Variants in TBC1D5 observed in about 807,000 individuals in gnomAD.
TBC1D5 encodes TBC1 domain family, member 5.
TBC1D5 carries 75 observed loss-of-function variants against 100.3 expected under a neutral mutation model. The observed-to-expected ratio is 0.75, with a 90% CI of 0.62 to 0.91. The LOEUF (loss-of-function observed/expected upper bound fraction) is 0.91, where lower values mean the gene tolerates loss of function less well. Ranked by LOEUF, TBC1D5 falls within the 40% of genes least tolerant of loss-of-function variation. The pLI, the probability that TBC1D5 is intolerant of heterozygous loss-of-function variation, is 0.00. For missense variants in TBC1D5, 910 were observed against 942.4 expected, an observed-to-expected ratio of 0.97 and a Z score of 0.45; for synonymous variants, 323 against 325.6, an observed-to-expected ratio of 0.99 and a Z score of 0.09.
chr3:17,436,021 A>G (rs1194905326), intron 3 of TBC1D5, among the ~76,000 whole-genome samples: 2 of 152,232 alleles, frequency 1.3e-5, no homozygotes, highest in African/African-American at 4.8e-5. Context: ...CTATATAAAT[A>G]CAAAGTGCTT....
At chr3:17,263,394 A>G (rs1426231254) in intron 15 of TBC1D5, among the ~76,000 whole-genome samples, 1 of 151,370 alleles carries the variant, frequency 6.6e-6, no homozygotes, top group African/African-American at 2.4e-5. Flanking sequence ...AAAGAGAAAG[A>G]AAAAAAAGAA....
intron 2 of TBC1D5, among the ~76,000 whole-genome samples, chr3:17,585,213 T>G (rs747628378): frequency 6.6e-6 from 1 of 152,154 alleles, no homozygotes; most frequent in Non-Finnish European, 1.5e-5. Flanking sequence ...ATACAAATGT[T>G]AAATAAAATG....
intron 15 of TBC1D5, among the ~76,000 whole-genome samples, chr3:17,277,706 T>TA (rs1200094744): frequency 6.6e-6 from 1 of 152,000 alleles, no homozygotes; most frequent in African/African-American, 2.4e-5. Context: ...TGGGAAGAAA[T>TA]AGTGTGTGGG....
chr3:17,569,726 T>C (rs138912561), intron 2 of TBC1D5, among the ~76,000 whole-genome samples: 181 of 151,406 alleles, frequency 1.2e-3, no homozygotes, highest in African/African-American at 4.2e-3. Context: ...AAGAAAAACA[T>C]CATTGACAGA....
intron 1 of TBC1D5, among the ~76,000 whole-genome samples, chr3:17,724,337 C>T: frequency 6.6e-6 from 1 of 152,126 alleles, no homozygotes; most frequent in East Asian, 1.9e-4. Flanking sequence ...CCAAGCAATC[C>T]TCCCACCTCA....
intron 17 of TBC1D5, among the ~76,000 whole-genome samples, chr3:17,219,939 A>G (rs1343877275): frequency 6.6e-6 from 1 of 152,100 alleles, no homozygotes; most frequent in Non-Finnish European, 1.5e-5. Flanking sequence ...ATGCTACTCC[A>G]AAAGTGCTTC....
chr3:17,416,291 C>A (rs58856794), intron 4 of TBC1D5, among the ~76,000 whole-genome samples: 9,248 of 152,160 alleles, frequency 0.061, 551 homozygotes, highest in African/African-American at 0.15. Flanking sequence ...TAAGCACTGA[C>A]CATACATAGT....
chr3:17,469,536 A>C (rs1382863587), intron 3 of TBC1D5, among the ~76,000 whole-genome samples: 1 of 152,154 alleles, frequency 6.6e-6, no homozygotes, highest in African/African-American at 2.4e-5. Flanking sequence ...ATGTGGCATT[A>C]AGATTTACAA....
In TBC1D5 at chr3:17,284,089, TACAC is replaced by T. The variant is rs58307801; in HGVS notation, c.1245+7802_1245+7805del. Reference sequence around the variant, plus strand: ...CAGATTCTACCCTCACTCATTATTTTACACACACACACACACACACACACACACA... The same window carrying T: ...CAGATTCTACCCTCACTCATTATTTTACACACACACACACACACACACACA... On this transcript the variant is annotated intron_variant, in intron 15 of 21. Transcript: ENST00000253692. Among the ~76,000 whole-genome samples the T allele has an allele frequency of 9.6e-4, 127 of 132,820 alleles. 1 individual carries two copies. The highest frequency in any genetic ancestry group is 8.8e-3 in the East Asian group (42 of 4,788). The allele number at this position is 132,820 out of a possible 152,430, so 87.1% of individuals were successfully genotyped here. A position where few individuals can be genotyped will look rare whatever the true frequency, so the allele number is the denominator to read the frequency against.
intron 14 of TBC1D5, 152 bp from the exon 15 acceptor site, chr3:17,292,153 C>A: frequency 1.5e-6 from 1 of 660,416 alleles, no homozygotes; most frequent in Non-Finnish European, 2.5e-6. Flanking sequence ...GGATCTTTAC[C>A]AAATTGCCTT....
intron 16 of TBC1D5, among the ~76,000 whole-genome samples, chr3:17,252,039 T>G (rs2077224234): frequency 6.6e-6 from 1 of 152,218 alleles, no homozygotes; most frequent in Non-Finnish European, 1.5e-5. Flanking sequence ...CATATTTTCT[T>G]TATTCCAGAA....
At chr3:17,721,232 T>C (rs2075672488) in intron 1 of TBC1D5, among the ~76,000 whole-genome samples, 1 of 152,202 alleles carries the variant, frequency 6.6e-6, no homozygotes. Context: ...TCAAATATTT[T>C]ATAGAAATAA....
chr3:17,503,547 C>CA lies in TBC1D5; in HGVS notation c.97+4926dup, dbSNP rs1301569408. ...AGGCACTCAAATATTTACTGAATGA[C>CA]AAAAAATGAACTTTAAAAGCTTAAG... On this transcript the variant is annotated intron_variant, in intron 3 of 21. Transcript: ENST00000253692. Among the ~76,000 whole-genome samples the CA allele has an allele frequency of 5.2e-4, 78 of 149,364 alleles. 4 individuals are homozygous for CA. The highest frequency in any genetic ancestry group is 5.9e-5 in the Non-Finnish European group (4 of 67,860).
chr3:17,680,921 G>GA (rs1274560311), intron 1 of TBC1D5, among the ~76,000 whole-genome samples: 4 of 151,462 alleles, frequency 2.6e-5, no homozygotes, highest in Non-Finnish European at 5.9e-5. Flanking sequence ...GAGGTAGGCA[G>GA]AAAGAGATTT....
At chr3:17,579,411 A>C (rs2096678455) in intron 2 of TBC1D5, among the ~76,000 whole-genome samples, 1 of 152,096 alleles carries the variant, frequency 6.6e-6, no homozygotes, top group Non-Finnish European at 1.5e-5. Context: ...CCAATTTGTC[A>C]ATCTTCCTGC....
chr3:17,183,747 T>A (rs1224848554), intron 19 of TBC1D5, among the ~76,000 whole-genome samples: 5 of 152,180 alleles, frequency 3.3e-5, no homozygotes, highest in African/African-American at 4.8e-5. Context: ...CATTTATTAT[T>A]TTACTGAGGC....
intron 2 of TBC1D5, among the ~76,000 whole-genome samples, chr3:17,547,418 A>G (rs1412246612): frequency 2.0e-5 from 3 of 152,164 alleles, no homozygotes; most frequent in African/African-American, 7.2e-5. Flanking sequence ...TTTCATCATC[A>G]TATACTTATA....
intron 13 of TBC1D5, among the ~76,000 whole-genome samples, chr3:17,343,092 T>C (rs1270987953): frequency 6.6e-6 from 1 of 152,076 alleles, no homozygotes; most frequent in Non-Finnish European, 1.5e-5. Context: ...AGTATGATAT[T>C]GGCTGTGGGT....
intron 2 of TBC1D5, among the ~76,000 whole-genome samples, chr3:17,587,394 T>C (rs2096739290): frequency 6.6e-6 from 1 of 152,010 alleles, no homozygotes; most frequent in Non-Finnish European, 1.5e-5. Flanking sequence ...TTAGCTAATA[T>C]AATGTAAAAC....
Sources: gnomAD v4.1 joint callset for allele counts (sites outside exome capture counted in the v4.1 genomes callset) on GRCh38, gnomAD v4.1.1 for gene constraint, MANE v1.5 for transcripts, NCBI Gene and HGNC (gene_info 2026-07-23, HGNC 2026-07-21) for gene names.